Variants in PLXNA4 observed in about 807,000 individuals in gnomAD.
The protein encoded by PLXNA4 is plexin A4, also known as plexin-A4.
Under a neutral mutation model 191.8 loss-of-function variants are expected in PLXNA4, and 44 were observed. That is an observed-to-expected ratio of 0.23 (90% CI 0.18 to 0.29). The LOEUF is 0.29. Among genes scored for constraint, PLXNA4 ranks in the 10% least tolerant of loss-of-function variants. PLXNA4 has a pLI of 1.00. For synonymous variants in PLXNA4, 1,082 were observed against 1,009.5 expected (o/e 1.07, Z -1.36); for missense variants, 1,800 against 2,488.8 (o/e 0.72, Z 5.89).
chr7:132,605,511 G>A (rs1284359690), intron 2 of PLXNA4, among the ~76,000 whole-genome samples: 1 of 152,100 alleles, frequency 6.6e-6, no homozygotes, highest in Non-Finnish European at 1.5e-5. Context: ...ATGGTGCTTG[G>A]GGGGCCTGTT....
chr7:132,306,476 A>G (rs115073030), intron 3 of PLXNA4, among the ~76,000 whole-genome samples: 1,541 of 152,222 alleles, frequency 0.01, 36 homozygotes, highest in African/African-American at 0.035. Context: ...CTGGCACACA[A>G]CAGCAGTATG....
At chr7:132,609,294 T>G (rs1803002185) in intron 2 of PLXNA4, among the ~76,000 whole-genome samples, 1 of 152,068 alleles carries the variant, frequency 6.6e-6, no homozygotes. Flanking sequence ...GAAAGAGTGG[T>G]CAGCGACAAA....
In PLXNA4 at chr7:132,308,201, G is replaced by A. The variant is rs142483217; in HGVS notation, c.1372-9979C>T. ...GTTCAAACCAGCAAATTTCACATGT[G>A]GAATATTTTGAAACAGCTTCACTGA... is the stretch of plus-strand genomic sequence containing the variant. On this transcript the variant is annotated intron_variant, in intron 3 of 31. Coordinates refer to ENST00000321063, the MANE Select transcript of PLXNA4 (RefSeq NM_020911.2). 3.1e-3 allele frequency among the ~76,000 whole-genome samples: 471 copies of A among 152,262 alleles called. 1 individual carries two copies. Among genetic ancestry groups the A allele is most frequent in the African/African-American group, 0.01 (434 of 41,536 alleles).
At chr7:132,299,112 G>A (rs552981160) in intron 3 of PLXNA4, among the ~76,000 whole-genome samples, 131 of 152,294 alleles carry the variant, frequency 8.6e-4, no homozygotes, top group African/African-American at 2.9e-3. Flanking sequence ...CAACATGACC[G>A]CTGCGCAGTC....
intron 5 of PLXNA4, among the ~76,000 whole-genome samples, chr7:132,239,754 T>C (rs1011546257): frequency 6.6e-6 from 1 of 152,238 alleles, no homozygotes; most frequent in Non-Finnish European, 1.5e-5. Flanking sequence ...ATGCAACCTT[T>C]CTATACACTT....
intron 3 of PLXNA4, among the ~76,000 whole-genome samples, chr7:132,412,410 C>A (rs1478359375): frequency 6.6e-6 from 1 of 152,178 alleles, no homozygotes. Flanking sequence ...GATCACCTTG[C>A]AGACAGCGAC....
At chr7:132,203,531 C>A (rs1267216986) in intron 10 of PLXNA4, 112 bp from the exon 11 acceptor site, 3 of 877,750 alleles carry the variant, frequency 3.4e-6, no homozygotes, top group East Asian at 2.4e-5. Flanking sequence ...AAAGACTGGC[C>A]AAGACTGTGC....
At chr7:132,593,666 G>A (rs1367100710) in intron 2 of PLXNA4, among the ~76,000 whole-genome samples, 2 of 152,226 alleles carry the variant, frequency 1.3e-5, no homozygotes, top group Non-Finnish European at 2.9e-5. Flanking sequence ...CCAAGTCACA[G>A]GCAGCAGGTC....
intron 2 of PLXNA4, among the ~76,000 whole-genome samples, chr7:132,504,516 C>T (rs1318244557): frequency 6.6e-6 from 1 of 152,186 alleles, no homozygotes; most frequent in Non-Finnish European, 1.5e-5. Flanking sequence ...ATTTAGAGAG[C>T]TGGTACAGCC....
chr7:132,127,673 G>T lies in PLXNA4; in HGVS notation c.*2806C>A, dbSNP rs1248024077. 6.6e-6 allele frequency: 1 copy of T among 152,124 alleles called. No individual in the cohort carries two copies. The highest frequency in any genetic ancestry group is 6.5e-5 in the Admixed American group (1 of 15,272). The allele number at this position is 152,124 out of a possible 1,614,324, so 9.4% of individuals were successfully genotyped here. A position where few individuals can be genotyped will look rare whatever the true frequency, so the allele number is the denominator to read the frequency against. ...TCTCAGTCCCCAAGCAGGCCACGGG[G>T]ACTGCAGCAAACAGAGCGGCAGAAA... On this transcript the variant is annotated 3_prime_UTR_variant, in exon 32 of 32. Coordinates refer to ENST00000321063, the MANE Select transcript of PLXNA4 (RefSeq NM_020911.2).
rs116801791 is a variant in PLXNA4 at position 132,552,027 on chromosome 7, C to G, written c.-87+24395G>C. Among the ~76,000 whole-genome samples, 660 of 152,228 alleles carry G rather than the reference C, an allele frequency of 4.3e-3. 2 individuals are homozygous for G. Among genetic ancestry groups the G allele is most frequent in the African/African-American group, 0.015 (618 of 41,522 alleles). On this transcript the variant is annotated intron_variant, in intron 1 of 31. Transcript: ENST00000321063. Reference sequence around the variant, plus strand: ...AGAGGAGGGAAAAGAATCTTATTAGCAGGTTTGCTGAGGAGGGACATGTAA... The same window carrying G: ...AGAGGAGGGAAAAGAATCTTATTAGGAGGTTTGCTGAGGAGGGACATGTAA...
At chr7:132,356,094 A>G (rs1348232371) in intron 3 of PLXNA4, among the ~76,000 whole-genome samples, 2 of 152,164 alleles carry the variant, frequency 1.3e-5, no homozygotes, top group East Asian at 3.9e-4. Flanking sequence ...CTGCTTTAGA[A>G]AGGGAAACCA....
At chr7:132,326,349 A>G (rs965801204) in intron 3 of PLXNA4, among the ~76,000 whole-genome samples, 5 of 152,198 alleles carry the variant, frequency 3.3e-5, no homozygotes, top group African/African-American at 1.2e-4. Context: ...CTCTTTATGT[A>G]TGTAAATAAA....
At chr7:132,628,735 T>C (rs1048065874) in intron 2 of PLXNA4, among the ~76,000 whole-genome samples, 6 of 152,250 alleles carry the variant, frequency 3.9e-5, no homozygotes, top group Admixed American at 3.3e-4. Context: ...TCTGTTCTCT[T>C]ATTTTTAATT....
At chr7:132,374,184 G>T (rs1276320679) in intron 3 of PLXNA4, among the ~76,000 whole-genome samples, 1 of 152,240 alleles carries the variant, frequency 6.6e-6, no homozygotes, top group Non-Finnish European at 1.5e-5. Context: ...AGGAGTAAGT[G>T]ATGAGTCACA....
chr7:132,439,739 C>T (rs76732638), intron 3 of PLXNA4, among the ~76,000 whole-genome samples: 4,754 of 152,244 alleles, frequency 0.031, 238 homozygotes, highest in African/African-American at 0.11. Context: ...CCAAAGTTTG[C>T]GGTCCTAATT....
chr7:132,401,131 C>T (rs1365183129), intron 3 of PLXNA4, among the ~76,000 whole-genome samples: 3 of 152,090 alleles, frequency 2.0e-5, no homozygotes, highest in African/African-American at 7.2e-5. Flanking sequence ...CTCGCCAATG[C>T]AAAAAACTGG....
chr7:132,343,645 A>G (rs1328702580), intron 3 of PLXNA4, among the ~76,000 whole-genome samples: 1 of 152,222 alleles, frequency 6.6e-6, no homozygotes, highest in Non-Finnish European at 1.5e-5. Context: ...GTGGCTGGGC[A>G]CAGTGCCTCA....
chr7:132,231,296 C>A (rs1158130870), intron 5 of PLXNA4, among the ~76,000 whole-genome samples: 1 of 152,160 alleles, frequency 6.6e-6, no homozygotes, highest in Non-Finnish European at 1.5e-5. Context: ...TCATAGTAAG[C>A]CCTCATAAAT....
Sources: gnomAD v4.1 joint callset for allele counts (sites outside exome capture counted in the v4.1 genomes callset) on GRCh38, gnomAD v4.1.1 for gene constraint, MANE v1.5 for transcripts, NCBI Gene and HGNC (gene_info 2026-07-23, HGNC 2026-07-21) for gene names.